Variants in SAMTOR observed in about 807,000 individuals in gnomAD.
SAMTOR encodes S-adenosylmethionine sensor upstream of mTORC1.
At chr7:112,938,713 C>T in the SAMTOR span, among the ~76,000 whole-genome samples, 1 of 152,192 alleles carries the variant, frequency 6.6e-6, no homozygotes, top group South Asian at 2.1e-4. Context: ...TATAAAACAG[C>T]TGTGTACAAA....
the SAMTOR span, among the ~76,000 whole-genome samples, chr7:112,831,931 A>C: frequency 6.6e-6 from 1 of 152,232 alleles, no homozygotes; most frequent in East Asian, 1.9e-4. Context: ...GATGCATTAA[A>C]AGAAAATAAT....
At chr7:112,891,299 T>C in the SAMTOR span, among the ~76,000 whole-genome samples, 5 of 152,208 alleles carry the variant, frequency 3.3e-5, no homozygotes, top group Non-Finnish European at 5.9e-5. Flanking sequence ...TAAAGATGGC[T>C]TATGGTTCCC....
At chr7:112,895,807 G>C in the SAMTOR span, 1 of 1,145,862 alleles carries the variant, frequency 8.7e-7, no homozygotes, top group Non-Finnish European at 1.2e-6. Context: ...GGAAAAAATT[G>C]GCTTTTATTA....
At chr7:112,822,248 G>GA in the SAMTOR span, 1 of 1,613,528 alleles carries the variant, frequency 6.2e-7, no homozygotes, top group Non-Finnish European at 8.5e-7. Flanking sequence ...CAACCACATG[G>GA]AAAAGCTCTC....
chr7:112,939,712 C>T, the SAMTOR span: 73 of 1,609,466 alleles, frequency 4.5e-5, no homozygotes, highest in Non-Finnish European at 5.9e-5. Context: ...CGGCCCTCTG[C>T]GCACGAGCAG....
At chr7:112,856,165 AG>A in the SAMTOR span, among the ~76,000 whole-genome samples, 2 of 152,212 alleles carry the variant, frequency 1.3e-5, 1 homozygote, top group African/African-American at 4.8e-5. Context: ...TACAAAATGA[AG>A]AAAAATCACA....
At chr7:112,908,473 C>T in the SAMTOR span, among the ~76,000 whole-genome samples, 1 of 152,050 alleles carries the variant, frequency 6.6e-6, no homozygotes, top group African/African-American at 2.4e-5. Context: ...TTGTCAAACT[C>T]GATAATCATA....
chr7:112,931,387 T>C, the SAMTOR span, among the ~76,000 whole-genome samples: 9 of 152,100 alleles, frequency 5.9e-5, no homozygotes, highest in East Asian at 1.7e-3. Flanking sequence ...GTATCTTCTG[T>C]TCTTGGAACA....
chr7:112,865,891 T>C, the SAMTOR span, among the ~76,000 whole-genome samples: 1 of 149,554 alleles, frequency 6.7e-6, no homozygotes, highest in Non-Finnish European at 1.5e-5. Context: ...AGCCCAGGAG[T>C]CCACTATGAT....
At chr7:112,887,834 C>G in the SAMTOR span, among the ~76,000 whole-genome samples, 65 of 152,172 alleles carry the variant, frequency 4.3e-4, no homozygotes, top group African/African-American at 1.5e-3. Flanking sequence ...TATCCTATCT[C>G]TTTTCGTTGG....
At chr7:112,916,424 A>T in the SAMTOR span, among the ~76,000 whole-genome samples, 1 of 152,198 alleles carries the variant, frequency 6.6e-6, no homozygotes, top group Non-Finnish European at 1.5e-5. Context: ...TTAATTGGGG[A>T]CAGAATAAAC....
the SAMTOR span, among the ~76,000 whole-genome samples, chr7:112,930,527 C>CA: frequency 0.027 from 2,041 of 75,248 alleles, 16 homozygotes; most frequent in Middle Eastern, 0.091. Flanking sequence ...GCAAAAGGGG[C>CA]AAAAAAAAAA....
At chr7:112,821,853 T>A in the SAMTOR span, 1 of 1,613,706 alleles carries the variant, frequency 6.2e-7, no homozygotes, top group South Asian at 1.1e-5. Flanking sequence ...TGTGAAACCA[T>A]ATGCTAGTTG....
At chr7:112,850,327 C>T in the SAMTOR span, among the ~76,000 whole-genome samples, 3 of 152,260 alleles carry the variant, frequency 2.0e-5, no homozygotes, top group South Asian at 2.1e-4. Flanking sequence ...AGGATTTCTG[C>T]GTCTATGTTC....
the SAMTOR span, among the ~76,000 whole-genome samples, chr7:112,902,412 G>A: frequency 7.3e-3 from 260 of 35,850 alleles, 2 homozygotes; most frequent in African/African-American, 0.022. Flanking sequence ...GCAAAACTCC[G>A]TCTCAAAAAA....
the SAMTOR span, among the ~76,000 whole-genome samples, chr7:112,920,471 T>A: frequency 6.7e-6 from 1 of 149,836 alleles, no homozygotes; most frequent in Non-Finnish European, 1.5e-5. Flanking sequence ...GAGCTATCTA[T>A]GACAAACCCA....
chr7:112,924,351 A>G, the SAMTOR span, among the ~76,000 whole-genome samples: 1 of 152,150 alleles, frequency 6.6e-6, no homozygotes, highest in Non-Finnish European at 1.5e-5. Flanking sequence ...GTAACAACCA[A>G]TATTTAACTA....
At chr7:112,871,309 A>G in the SAMTOR span, among the ~76,000 whole-genome samples, 1 of 152,218 alleles carries the variant, frequency 6.6e-6, no homozygotes, top group Non-Finnish European at 1.5e-5. Context: ...GGTCAAAGTC[A>G]TATCAAGCAT....
chr7:112,868,952 T>C, the SAMTOR span, among the ~76,000 whole-genome samples: 1 of 152,142 alleles, frequency 6.6e-6, no homozygotes, highest in Non-Finnish European at 1.5e-5. Context: ...GCTGCTTCCT[T>C]GGTTGGTTGC....
Sources: allele counts gnomAD v4.1 joint callset (sites outside exome capture counted in the v4.1 genomes callset), GRCh38; gene constraint gnomAD v4.1.1; transcripts MANE v1.5; gene names NCBI Gene and HGNC (gene_info 2026-07-23, HGNC 2026-07-21).